Variants in NBAS observed in about 807,000 individuals in gnomAD.
NBAS encodes NBAS subunit of NRZ tethering complex, also known as NAG/BC035112 fusion.
In NBAS, 219 loss-of-function variants were observed where a neutral mutation model predicts 302.5. That is an observed-to-expected ratio of 0.72 (90% CI 0.65 to 0.81). The LOEUF is 0.81. NBAS is among the 30% of genes least tolerant of loss of function. The pLI, the probability that NBAS is intolerant of heterozygous loss-of-function variation, is 0.00. For synonymous variants in NBAS, 1,118 were observed against 1,021.6 expected (o/e 1.09, Z -1.80); for missense variants, 2,932 against 2,841.6 (o/e 1.03, Z -0.72).
At chr2:15,497,129 T>G (rs1056893424) in intron 11 of NBAS, among the ~76,000 whole-genome samples, 1 of 152,152 alleles carries the variant, frequency 6.6e-6, no homozygotes, top group African/African-American at 2.4e-5. Flanking sequence ...AATGAGCCAG[T>G]GGCATGAGAT....
At chr2:15,495,111 A>G (rs1435773903) in intron 11 of NBAS, among the ~76,000 whole-genome samples, 2 of 152,218 alleles carry the variant, frequency 1.3e-5, no homozygotes, top group Admixed American at 6.5e-5. Flanking sequence ...TACTGTTCAC[A>G]TAAATGGAAA....
At chr2:15,461,878 G>A in intron 19 of NBAS, 87 bp from the exon 20 acceptor site, 5 of 754,318 alleles carry the variant, frequency 6.6e-6, no homozygotes, top group South Asian at 6.3e-5. Flanking sequence ...TTACAACTCT[G>A]CCTGCCTAAA....
the NBAS span, among the ~76,000 whole-genome samples, chr2:14,854,136 T>G: frequency 6.6e-6 from 1 of 150,732 alleles, no homozygotes; most frequent in Non-Finnish European, 1.5e-5. Context: ...CTAATGATAA[T>G]GGAAACAACA....
the NBAS span, among the ~76,000 whole-genome samples, chr2:15,121,200 G>A: frequency 1.3e-5 from 2 of 152,216 alleles, no homozygotes; most frequent in African/African-American, 4.8e-5. Flanking sequence ...ATTCTAAGAC[G>A]GTGGCCTGCT....
Position 15,467,713 on chromosome 2 carries a change from T to C in NBAS, c.1969A>G (p.Lys657Glu). 6.2e-7 allele frequency: 1 copy of C among 1,612,438 alleles called. No individual in the cohort carries two copies. The highest frequency in any genetic ancestry group is 1.1e-5 in the South Asian group (1 of 90,996). Residue 657 changes from lysine to glutamate, a missense_variant, in exon 18 of 52, where the codon AAG becomes GAG. Coordinates refer to ENST00000281513, the MANE Select transcript of NBAS (RefSeq NM_015909.4). ...AGTTCTTGTCTCTTCTTGAGCTCCTTTTCCTTTTTATTCTTGGCAGGCTCT... is the reference window on the plus strand; with the variant it reads ...AGTTCTTGTCTCTTCTTGAGCTCCTCTTCCTTTTTATTCTTGGCAGGCTCT... ...DEEPAKNKKEKELKKRQELLK... is the reference protein window; with the variant it reads ...DEEPAKNKKEEELKKRQELLK...
intron 35 of NBAS, among the ~76,000 whole-genome samples, chr2:15,331,161 T>C (rs542274722): frequency 1.6e-3 from 243 of 152,334 alleles, no homozygotes; most frequent in African/African-American, 5.6e-3. Flanking sequence ...AAATTATTCA[T>C]CTGAATAATG....
the NBAS span, among the ~76,000 whole-genome samples, chr2:15,153,192 A>G: frequency 2.0e-5 from 3 of 152,266 alleles, no homozygotes; most frequent in Admixed American, 6.5e-5. Context: ...AAATCTACCC[A>G]TGATGATTAG....
Position 15,351,984 on chromosome 2 carries a change from T to A in NBAS, c.4179+8A>T. On this transcript the variant is annotated splice_region_variant and intron_variant, in intron 35 of 51. Coordinates refer to ENST00000281513, the MANE Select transcript of NBAS (RefSeq NM_015909.4). ...CCTTTCAAACTCCGCTCCCTCATTTTAACTTACCTCTTGTACTGCTTTACT... is the reference window on the plus strand; with the variant it reads ...CCTTTCAAACTCCGCTCCCTCATTTAAACTTACCTCTTGTACTGCTTTACT... The A allele has an allele frequency of 6.2e-7, 1 of 1,600,170 alleles. No homozygotes were observed. Among genetic ancestry groups the A allele is most frequent in the Non-Finnish European group, 8.6e-7 (1 of 1,167,480 alleles).
At chr2:14,969,675 C>A in the NBAS span, among the ~76,000 whole-genome samples, 1 of 152,156 alleles carries the variant, frequency 6.6e-6, no homozygotes, top group Non-Finnish European at 1.5e-5. Flanking sequence ...CCTTGCCCAG[C>A]CTGTAAGTTA....
chr2:15,408,851 A>C (rs1676548076), intron 25 of NBAS, among the ~76,000 whole-genome samples: 1 of 152,190 alleles, frequency 6.6e-6, no homozygotes, highest in Non-Finnish European at 1.5e-5. Context: ...ATACATGTGA[A>C]ATGTTTAAAA....
chr2:14,926,449 T>C, the NBAS span, among the ~76,000 whole-genome samples: 1 of 151,860 alleles, frequency 6.6e-6, no homozygotes, highest in Admixed American at 6.6e-5. Flanking sequence ...GGCTGTGTCT[T>C]GGAGTACAAA....
the NBAS span, among the ~76,000 whole-genome samples, chr2:15,045,246 C>T: frequency 9.9e-5 from 15 of 152,204 alleles, no homozygotes; most frequent in East Asian, 3.9e-4. Context: ...TCCAACAGGG[C>T]GACAGTGAAG....
chr2:15,002,837 C>T, the NBAS span, among the ~76,000 whole-genome samples: 29 of 152,192 alleles, frequency 1.9e-4, no homozygotes, highest in Non-Finnish European at 3.8e-4. Context: ...AAGTGCGGGG[C>T]CCGCCAAGCC....
intron 48 of NBAS, among the ~76,000 whole-genome samples, chr2:15,199,415 A>C (rs1318556699): frequency 1.3e-5 from 2 of 152,318 alleles, no homozygotes; most frequent in African/African-American, 4.8e-5. Context: ...TCTTTGCTAG[A>C]AAGTAGTATA....
the NBAS span, among the ~76,000 whole-genome samples, chr2:14,907,040 G>A: frequency 1.3e-5 from 2 of 152,102 alleles, no homozygotes; most frequent in East Asian, 3.9e-4. Flanking sequence ...CACTTCCTGG[G>A]AATGAAATTA....
chr2:15,419,043 T>G (rs969467284), intron 23 of NBAS, among the ~76,000 whole-genome samples: 4 of 152,204 alleles, frequency 2.6e-5, no homozygotes, highest in Non-Finnish European at 5.9e-5. Flanking sequence ...TTACCAGTAT[T>G]AGAGAAATTC....
chr2:15,206,962 C>G (rs957024684), intron 48 of NBAS, among the ~76,000 whole-genome samples: 2 of 152,198 alleles, frequency 1.3e-5, no homozygotes, highest in African/African-American at 4.8e-5. Context: ...AGAGTCACCA[C>G]TGGGGCACTG....
chr2:15,294,708 G>C (rs1670466868), intron 40 of NBAS, among the ~76,000 whole-genome samples: 1 of 152,016 alleles, frequency 6.6e-6, no homozygotes, highest in African/African-American at 2.4e-5. Flanking sequence ...CTTCCCAGTT[G>C]TAAAGACAGC....
At position 15,206,699 on chromosome 2, in the gene NBAS, G is replaced by T. The variant is rs185347620; in HGVS notation, c.6432+12074C>A. 7.2e-5 allele frequency among the ~76,000 whole-genome samples: 11 copies of T among 152,314 alleles called. No homozygotes were observed. The East Asian group carries it at 2.1e-3, about 29-fold the overall frequency. On this transcript the variant is annotated intron_variant, in intron 48 of 51. Coordinates refer to ENST00000281513, the MANE Select transcript of NBAS (RefSeq NM_015909.4). ...CAGGCTCCAGCTGTGGCTAAAAGGG[G>T]CAAACACAGAGCTCAGGCCATTGCT...
Sources: gnomAD v4.1 joint callset for allele counts (sites outside exome capture counted in the v4.1 genomes callset) on GRCh38, gnomAD v4.1.1 for gene constraint, MANE v1.5 for transcripts, NCBI Gene and HGNC (gene_info 2026-07-23, HGNC 2026-07-21) for gene names.